STX1A: variants seen among roughly 807,000 people sequenced by gnomAD.
The protein encoded by STX1A is syntaxin-1A.
A neutral mutation model predicts 37.8 loss-of-function variants in STX1A; 4 were observed. The ratio of observed to expected loss-of-function variants is 0.11; its 90% confidence interval spans 0.05 to 0.24. The LOEUF is 0.24. Ranked by LOEUF, STX1A falls within the 10% of genes least tolerant of loss-of-function variation. STX1A has a pLI of 1.00. For synonymous variants in STX1A, 135 were observed against 147.4 expected (o/e 0.92, Z 0.61); for missense variants, 251 against 399.9 (o/e 0.63, Z 3.18).
At chr7:73,707,803 C>T (rs1162693810) in intron 3 of STX1A, among the ~76,000 whole-genome samples, 4 of 151,912 alleles carry the variant, frequency 2.6e-5, no homozygotes, top group Admixed American at 6.6e-5. Context: ...GGCGTGGTGG[C>T]GCATGCCTGT....
intron 1 of STX1A, among the ~76,000 whole-genome samples, chr7:73,712,170 A>C (rs1799126963): frequency 6.6e-6 from 1 of 152,134 alleles, no homozygotes; most frequent in Non-Finnish European, 1.5e-5. Context: ...CCTCTGAGGC[A>C]TGGTCAAACC....
rs782666829 is a variant in STX1A at position 73,704,267 on chromosome 7, G to C, written c.358-11C>G. ...GGACAGCGTGGAGTGCTGGGGGCCC[G>C]AGATGGAGGTGCAGGGGTCAGGCCC... On this transcript the variant is annotated splice_polypyrimidine_tract_variant and intron_variant, in intron 5 of 9. Coordinates refer to ENST00000222812, the MANE Select transcript of STX1A (RefSeq NM_004603.4). 4 of 1,613,856 alleles carry C rather than the reference G, an allele frequency of 2.5e-6. No individual in the cohort carries two copies. The East Asian group carries it at 8.9e-5, about 36-fold the overall frequency.
chr7:73,708,567 G>A (rs782820449), intron 3 of STX1A, 22 bp downstream of exon 3: 141 of 1,605,816 alleles, frequency 8.8e-5, no homozygotes, highest in South Asian at 2.9e-4. Flanking sequence ...CCTGAAACCC[G>A]TCCCCCGCCC....
In STX1A at chr7:73,705,470, C is replaced by T. The variant is rs1014825992; in HGVS notation, c.209-246G>A. 2 of 518,236 alleles carry T rather than the reference C, an allele frequency of 3.9e-6. No individual in the cohort carries two copies. The highest frequency in any genetic ancestry group is 1.9e-5 in the African/African-American group (1 of 51,700). 32.1% of individuals were successfully genotyped at this position (518,236 alleles called of 1,614,324 possible). Reference sequence around the variant, plus strand: ...AGCCTCCCTTCCTCCTTTGCTGGCGCCCCCACCCCCTGGAGATAACAGATG... The same window carrying T: ...AGCCTCCCTTCCTCCTTTGCTGGCGTCCCCACCCCCTGGAGATAACAGATG... On this transcript the variant is annotated intron_variant, in intron 3 of 9. Coordinates refer to ENST00000222812, the MANE Select transcript of STX1A (RefSeq NM_004603.4). This position sits in a 1 kb window ranked among gnomAD's most constrained non-coding sequence, Gnocchi z 5.2.
At chr7:73,712,255 G>C (rs782068220) in intron 1 of STX1A, among the ~76,000 whole-genome samples, 1 of 151,962 alleles carries the variant, frequency 6.6e-6, no homozygotes, top group South Asian at 2.1e-4. Flanking sequence ...CTACTTCTTC[G>C]TTCTTGGGAA....
chr7:73,703,868 G>A (rs782600543), intron 6 of STX1A, 40 bp from the exon 7 acceptor site: 2 of 1,596,048 alleles, frequency 1.3e-6, no homozygotes, highest in Non-Finnish European at 8.5e-7. Context: ...AGCCCTCTTC[G>A]GGGAGTTCAG....
intron 4 of STX1A, 182 bp from the exon 5 acceptor site, chr7:73,704,605 C>T (rs1163919175): frequency 2.5e-5 from 18 of 709,392 alleles, no homozygotes; most frequent in Admixed American, 7.1e-5. Context: ...AGCTGTGACG[C>T]TGTGTGGTGT....
chr7:73,709,324 G>A lies in STX1A; in HGVS notation c.31-202C>T, dbSNP rs544405211. ...CACTGGGGGCCCGGCACAGAGAGAG[G>A]AACCTTGCCTGATACACTGGTGTCA... On this transcript the variant is annotated intron_variant, in intron 1 of 9. Transcript: ENST00000222812. The surrounding 1 kb of genome is among the most constrained non-coding windows in gnomAD (Gnocchi z 4.2). 2.2e-4 allele frequency among the ~76,000 whole-genome samples: 34 copies of A among 152,224 alleles called. No individual in the cohort carries two copies. Among genetic ancestry groups the A allele is most frequent in the African/African-American group, 7.7e-4 (32 of 41,528 alleles).
intron 1 of STX1A, among the ~76,000 whole-genome samples, chr7:73,710,676 C>A (rs1347297717): frequency 6.6e-6 from 1 of 152,212 alleles, no homozygotes; most frequent in South Asian, 2.1e-4. Flanking sequence ...CCACCCGCCT[C>A]GGCCTCCCAA....
Position 73,702,018 on chromosome 7 carries a change from G to A in STX1A, c.678+827C>T, listed in dbSNP as rs1798677398. The stretch of plus-strand genomic sequence containing the variant: ...TGCCTGCCAAGGCCCCGTCCACCTC[G>A]TCTCCAGCTTCATCTCAGCTCCGAC... On this transcript the variant is annotated intron_variant, in intron 8 of 9. Transcript: ENST00000222812. This position sits in a 1 kb window ranked among gnomAD's most constrained non-coding sequence, Gnocchi z 4.7. 6.6e-6 allele frequency among the ~76,000 whole-genome samples: 1 copy of A among 152,254 alleles called. No homozygotes were observed. The highest frequency in any genetic ancestry group is 2.1e-4 in the South Asian group (1 of 4,820).
chr7:73,700,026 A>T lies in STX1A; in HGVS notation c.*381T>A. The T allele has an allele frequency of 3.1e-6, 1 of 322,928 alleles. No homozygotes were observed. Among genetic ancestry groups the T allele is most frequent in the Non-Finnish European group, 6.0e-6 (1 of 167,416 alleles). 20.0% of individuals were successfully genotyped at this position (322,928 alleles called of 1,614,324 possible). A position where few individuals can be genotyped will look rare whatever the true frequency, so the allele number is the denominator to read the frequency against. ...CTGCTTGTGGGGACAGCTGGAGAGG[A>T]CAGGGCAGGTCAGCTGGAGGCGAGG... On this transcript the variant is annotated 3_prime_UTR_variant, in exon 10 of 10. Transcript: ENST00000222812. The surrounding 1 kb of genome is among the most constrained non-coding windows in gnomAD (Gnocchi z 4.4).
chr7:73,704,028 T>C, intron 6 of STX1A, 120 bp downstream of exon 6: 5 of 1,090,832 alleles, frequency 4.6e-6, no homozygotes, highest in Non-Finnish European at 6.1e-6. Context: ...AGCAGCTGCC[T>C]CGGGCCACCC....
At chr7:73,719,223 G>T (rs1473624391) in intron 1 of STX1A, among the ~76,000 whole-genome samples, 2 of 152,144 alleles carry the variant, frequency 1.3e-5, no homozygotes, top group Non-Finnish European at 2.9e-5. Flanking sequence ...GGCACGGGAG[G>T]TCAGAGATGA....
Position 73,704,338 on chromosome 7 carries a change from C to T in STX1A, c.357+12G>A. ...CTCAGGTGCCCGCCCATCCTAGACT[C>T]CGTGGCCGCACCTGTGTCTTCCGGA... is the stretch of plus-strand genomic sequence containing the variant. On this transcript the variant is annotated intron_variant, in intron 5 of 9. Transcript: ENST00000222812. 6.2e-7 allele frequency: 1 copy of T among 1,614,160 alleles called. No homozygotes were observed. Among genetic ancestry groups the T allele is most frequent in the Non-Finnish European group, 8.5e-7 (1 of 1,180,022 alleles).
Position 73,717,926 on chromosome 7 carries a change from G to C in STX1A, c.30+1676C>G, listed in dbSNP as rs1042695153. 6.6e-6 allele frequency among the ~76,000 whole-genome samples: 1 copy of C among 152,154 alleles called. No homozygotes were observed. Among genetic ancestry groups the C allele is most frequent in the Non-Finnish European group, 1.5e-5 (1 of 68,016 alleles). On this transcript the variant is annotated intron_variant, in intron 1 of 9. Transcript: ENST00000222812. The surrounding 1 kb of genome is among the most constrained non-coding windows in gnomAD (Gnocchi z 4.1). ...CACCCCTCCCTCTAGCAGGCAAGCC[G>C]TGTTTCTTTTGTGCCTCAGTTTCCC...
At chr7:73,701,076 T>A (rs1554615823) in intron 8 of STX1A, 2 of 730,546 alleles carry the variant, frequency 2.7e-6, no homozygotes, top group African/African-American at 3.6e-5. Flanking sequence ...GGGGTGGAGC[T>A]GGCCATGCAG....
At position 73,705,643 on chromosome 7, in the gene STX1A, G is replaced by A. The variant is rs1467766912; in HGVS notation, c.209-419C>T. On this transcript the variant is annotated intron_variant, in intron 3 of 9. Transcript: ENST00000222812. This position sits in a 1 kb window ranked among gnomAD's most constrained non-coding sequence, Gnocchi z 5.2. ...GTTACCTGGTGGCTCAGGAGGGTAC[G>A]CAGCCAGGCAGGGGGTTGACAGGGG... 4.8e-5 allele frequency: 10 copies of A among 208,578 alleles called. No individual in the cohort carries two copies. Among genetic ancestry groups the A allele is most frequent in the Middle Eastern group, 1.9e-3 (1 of 540 alleles). The allele number at this position is 208,578 out of a possible 1,614,324, so 12.9% of individuals were successfully genotyped here.
chr7:73,719,197 C>T (rs1334149199), intron 1 of STX1A, among the ~76,000 whole-genome samples: 1 of 151,912 alleles, frequency 6.6e-6, no homozygotes, highest in Non-Finnish European at 1.5e-5. Context: ...GTCCCCTCGT[C>T]TGTCTACACC....
intron 1 of STX1A, among the ~76,000 whole-genome samples, chr7:73,719,265 C>G (rs1799408130): frequency 6.6e-6 from 1 of 152,142 alleles, no homozygotes; most frequent in Non-Finnish European, 1.5e-5. Flanking sequence ...AAAGGGCCTG[C>G]TCTGCGGGAG....
Sources: allele counts gnomAD v4.1 joint callset (sites outside exome capture counted in the v4.1 genomes callset), GRCh38; gene constraint gnomAD v4.1.1; non-coding constraint Gnocchi (gnomAD v3.1); transcripts MANE v1.5; gene names NCBI Gene and HGNC (gene_info 2026-07-23, HGNC 2026-07-21).